Variants in TMTC4 observed in about 807,000 individuals in gnomAD.
TMTC4 encodes protein O-mannosyl-transferase TMTC4.
A neutral mutation model predicts 86.0 loss-of-function variants in TMTC4; 65 were observed. The ratio of observed to expected loss-of-function variants is 0.76; its 90% CI spans 0.62 to 0.93. The LOEUF is 0.93. Ranked by LOEUF, TMTC4 falls within the 40% of genes least tolerant of loss-of-function variation. TMTC4 has a pLI of 0.00. For synonymous variants in TMTC4, 379 were observed against 382.5 expected, an observed-to-expected ratio of 0.99 and a Z score of 0.11; for missense variants, 866 against 948.1, an observed-to-expected ratio of 0.91 and a Z score of 1.14.
chr13:100,669,221 A>C (rs1886770488), intron 2 of TMTC4, among the ~76,000 whole-genome samples: 1 of 152,120 alleles, frequency 6.6e-6, no homozygotes. Flanking sequence ...GTGGCAGGGG[A>C]GAGGGTCGTG....
At chr13:100,622,559 A>T (rs988719259) in intron 15 of TMTC4, among the ~76,000 whole-genome samples, 1 of 150,848 alleles carries the variant, frequency 6.6e-6, no homozygotes, top group Admixed American at 6.6e-5. Flanking sequence ...ATAAGGGGAA[A>T]CCTCTTTTGC....
chr13:100,640,537 C>T (rs1388866470), intron 7 of TMTC4, among the ~76,000 whole-genome samples: 1 of 152,118 alleles, frequency 6.6e-6, no homozygotes, highest in African/African-American at 2.4e-5. Flanking sequence ...CCTTTCCAAG[C>T]TATTTCTATA....
chr13:100,631,128 A>G (rs1226630345), intron 12 of TMTC4, among the ~76,000 whole-genome samples: 1 of 152,260 alleles, frequency 6.6e-6, no homozygotes, highest in Non-Finnish European at 1.5e-5. Flanking sequence ...TTATTCTTCA[A>G]CTTTCCCCCT....
chr13:100,668,383 G>T (rs770876344), intron 3 of TMTC4, 196 bp downstream of exon 3: 18 of 604,538 alleles, frequency 3.0e-5, no homozygotes, highest in Non-Finnish European at 5.2e-5. Context: ...CAGGGGTTCA[G>T]AACCTTGGTG....
chr13:100,606,341 T>G lies in TMTC4; in HGVS notation c.2134+17A>C, dbSNP rs1381283071. On this transcript the variant is annotated intron_variant, in intron 18 of 18. Transcript: ENST00000342624. ...TAACAAAATTTCAACACGATTCAAG[T>G]TGAACATTTTTCTTACCCAAATTAC... 3 of 1,610,878 alleles carry G rather than the reference T, an allele frequency of 1.9e-6. No individual in the cohort carries two copies. Among genetic ancestry groups the G allele is most frequent in the Non-Finnish European group, 2.5e-6 (3 of 1,177,796 alleles).
chr13:100,614,530 A>G (rs1198150414), intron 15 of TMTC4, 100 bp from the exon 16 acceptor site: 2 of 959,260 alleles, frequency 2.1e-6, no homozygotes, highest in Non-Finnish European at 3.0e-6. Context: ...AAAGCCCAAC[A>G]AACAACAATA....
At chr13:100,656,306 G>A (rs539225633) in intron 6 of TMTC4, 75 bp downstream of exon 6, 84 of 1,291,758 alleles carry the variant, frequency 6.5e-5, no homozygotes, top group Admixed American at 5.6e-4. Context: ...ATTCTTTCCC[G>A]TATGTTAAGA....
At chr13:100,661,236 A>C (rs998701164) in intron 5 of TMTC4, among the ~76,000 whole-genome samples, 1 of 152,192 alleles carries the variant, frequency 6.6e-6, no homozygotes, top group East Asian at 1.9e-4. Context: ...TTTCAAGATT[A>C]CCATGTTCCC....
chr13:100,616,243 A>G (rs979708807), intron 15 of TMTC4, among the ~76,000 whole-genome samples: 3 of 151,790 alleles, frequency 2.0e-5, no homozygotes, highest in Non-Finnish European at 2.9e-5. Flanking sequence ...TTGCTCTGTC[A>G]CCCAGGCTGG....
intron 16 of TMTC4, 106 bp from the exon 17 acceptor site, chr13:100,612,616 G>A: frequency 1.6e-6 from 1 of 625,626 alleles, no homozygotes; most frequent in Non-Finnish European, 2.7e-6. Flanking sequence ...TGACAATTAT[G>A]AATAAACTAC....
rs550862124 is a variant in TMTC4 at position 100,642,162 on chromosome 13, G to A, written c.741+49C>T. The A allele has an allele frequency of 6.3e-5, 100 of 1,595,510 alleles. 2 individuals are homozygous for A. The South Asian group carries it at 1.1e-3, about 17-fold the overall frequency. On this transcript the variant is annotated intron_variant, in intron 7 of 18. Transcript: ENST00000342624. Reference sequence around the variant, plus strand: ...CAGCCCCAGATGTCTTTATAGGAGGGAAAAGGACACACAGAAAAAGCAGGC... The same window carrying A: ...CAGCCCCAGATGTCTTTATAGGAGGAAAAAGGACACACAGAAAAAGCAGGC...
At chr13:100,662,469 C>A (rs1023764359) in intron 5 of TMTC4, among the ~76,000 whole-genome samples, 1 of 152,030 alleles carries the variant, frequency 6.6e-6, no homozygotes, top group Non-Finnish European at 1.5e-5. Context: ...ACTAGCCCCG[C>A]TGATGTCACA....
At chr13:100,610,786 G>A (rs1321782024) in intron 17 of TMTC4, among the ~76,000 whole-genome samples, 1 of 152,132 alleles carries the variant, frequency 6.6e-6, no homozygotes, top group Non-Finnish European at 1.5e-5. Context: ...GATTATATAA[G>A]CCAAGTCTTC....
intron 6 of TMTC4, among the ~76,000 whole-genome samples, chr13:100,651,802 T>G (rs1884478056): frequency 6.6e-6 from 1 of 152,222 alleles, no homozygotes; most frequent in Non-Finnish European, 1.5e-5. Context: ...TGAATTTATG[T>G]TCAGATCCCA....
intron 6 of TMTC4, among the ~76,000 whole-genome samples, chr13:100,645,752 T>C (rs576969771): frequency 2.6e-5 from 4 of 152,324 alleles, no homozygotes; most frequent in African/African-American, 9.6e-5. Flanking sequence ...ACAGAGTTTA[T>C]CACAAGCACT....
chr13:100,613,693 G>A (rs1877989765), intron 16 of TMTC4, among the ~76,000 whole-genome samples: 1 of 152,038 alleles, frequency 6.6e-6, no homozygotes, highest in African/African-American at 2.4e-5. Flanking sequence ...CTCAACACCA[G>A]TTCTAGGTGG....
At position 100,609,676 on chromosome 13, in the gene TMTC4, T is replaced by TACACAC. The variant is rs373186529; in HGVS notation, c.2064+2721_2064+2722insGTGTGT. On this transcript the variant is annotated intron_variant, in intron 17 of 18. Coordinates refer to ENST00000342624, the MANE Select transcript of TMTC4 (RefSeq NM_032813.5). The stretch of plus-strand genomic sequence containing the variant: ...TGATTGAATGCTCACTAAATGTATA[T>TACACAC]ATATACACACACACACACACACACA... Among the ~76,000 whole-genome samples the TACACAC allele has an allele frequency of 9.9e-4, 142 of 144,044 alleles. 1 individual carries two copies. The highest frequency in any genetic ancestry group is 5.4e-3 in the East Asian group (27 of 5,012). The allele number at this position is 144,044 out of a possible 152,430, so 94.5% of individuals were successfully genotyped here.
chr13:100,633,176 GT>G (rs1881680726), intron 12 of TMTC4, among the ~76,000 whole-genome samples: 1 of 152,006 alleles, frequency 6.6e-6, no homozygotes, highest in East Asian at 1.9e-4. Context: ...GCCGGGCATA[GT>G]GGCGCATGCC....
At chr13:100,664,184 G>C in intron 4 of TMTC4, 37 bp downstream of exon 4, 2 of 1,547,884 alleles carry the variant, frequency 1.3e-6, no homozygotes, top group Non-Finnish European at 1.7e-6. Flanking sequence ...CACAAGCTGG[G>C]AGGGACCTTC....
Sources: allele counts gnomAD v4.1 joint callset (sites outside exome capture counted in the v4.1 genomes callset), GRCh38; gene constraint gnomAD v4.1.1; transcripts MANE v1.5; gene names NCBI Gene and HGNC (gene_info 2026-07-23, HGNC 2026-07-21).